The following PAM variants were observed in gnomAD, a reference collection of about 807,000 sequenced individuals.
The protein encoded by PAM is peptidylglycine alpha-amidating monooxygenase.
A neutral mutation model predicts 122.1 loss-of-function variants in PAM; 72 were observed. The ratio of observed to expected loss-of-function variants is 0.59; its 90% CI spans 0.49 to 0.72. PAM has a LOEUF of 0.72. Ranked by LOEUF, PAM falls within the 30% of genes least tolerant of loss-of-function variation. The probability of loss-of-function intolerance (pLI) is 0.00; values close to 1 mark genes in which losing one functional copy is unlikely to be tolerated. For synonymous variants in PAM, 389 were observed against 404.4 expected, an observed-to-expected ratio of 0.96 and a Z score of 0.46; for missense variants, 1,106 against 1,183.7, an observed-to-expected ratio of 0.93 and a Z score of 0.96.
chr5:103,023,143 C>T (rs1475079772), intron 23 of PAM, among the ~76,000 whole-genome samples: 1 of 152,074 alleles, frequency 6.6e-6, no homozygotes, highest in African/African-American at 2.4e-5. Context: ...GCCTCATTCT[C>T]ATTACTTTCT....
intron 15 of PAM, among the ~76,000 whole-genome samples, chr5:102,976,147 C>A (rs143881793): frequency 6.6e-6 from 1 of 152,210 alleles, no homozygotes; most frequent in East Asian, 1.9e-4. Context: ...AAACATACAG[C>A]ACAACTGCAA....
rs1303253419 is a variant in PAM, at chr5:102,913,846, AT to A, written c.269-85del. The A allele has an allele frequency of 9.2e-6, 7 of 762,490 alleles. No homozygotes were observed. The African/African-American group carries it at 1.2e-4, about 13-fold the overall frequency. 47.2% of individuals were successfully genotyped at this position (762,490 alleles called of 1,614,324 possible). The stretch of plus-strand genomic sequence containing the variant: ...ATCAAAACATCTTTGTTATACAGGT[AT>A]TTGAACTGTTCAAAGATGTATTTTA... On this transcript the variant is annotated intron_variant, in intron 4 of 25. Coordinates refer to ENST00000438793, the MANE Select transcript of PAM (RefSeq NM_001177306.2).
At chr5:103,016,214 T>A (rs751248084) in intron 21 of PAM, among the ~76,000 whole-genome samples, 11 of 152,222 alleles carry the variant, frequency 7.2e-5, no homozygotes, top group Non-Finnish European at 1.6e-4. Context: ...ATTTTTCTTT[T>A]CAGTGTGATA....
At chr5:102,821,245 G>C (rs1771797397) in intron 1 of PAM, among the ~76,000 whole-genome samples, 1 of 152,092 alleles carries the variant, frequency 6.6e-6, no homozygotes, top group Non-Finnish European at 1.5e-5. Context: ...CATTTATCCT[G>C]AGGAGCTTAC....
chr5:102,788,463 T>C (rs1023674862), intron 1 of PAM, among the ~76,000 whole-genome samples: 2 of 152,150 alleles, frequency 1.3e-5, no homozygotes, highest in African/African-American at 2.4e-5. Context: ...TACGTTTCTC[T>C]CCTCAGCTGG....
intron 5 of PAM, among the ~76,000 whole-genome samples, chr5:102,923,859 A>C (rs1748342719): frequency 6.6e-6 from 1 of 152,170 alleles, no homozygotes; most frequent in Non-Finnish European, 1.5e-5. Flanking sequence ...TTCACCCTGC[A>C]ACACTCTCTG....
At chr5:102,802,758 TTTTG>T (rs1418190975) in intron 1 of PAM, among the ~76,000 whole-genome samples, 3 of 152,154 alleles carry the variant, frequency 2.0e-5, no homozygotes, top group Admixed American at 6.5e-5. Context: ...TTATCTGTAG[TTTTG>T]TTTATTATTA....
At chr5:102,829,734 C>G (rs1036875064) in intron 1 of PAM, among the ~76,000 whole-genome samples, 2 of 152,038 alleles carry the variant, frequency 1.3e-5, no homozygotes, top group Non-Finnish European at 2.9e-5. Flanking sequence ...CTGAAAATGC[C>G]TTTTATCTAC....
At chr5:102,990,239 C>A in intron 15 of PAM, 33 bp from the exon 16 acceptor site, 3 of 1,481,518 alleles carry the variant, frequency 2.0e-6, no homozygotes, top group South Asian at 1.5e-5. Flanking sequence ...CGACCTTTCC[C>A]TTTTACACTA....
intron 8 of PAM, among the ~76,000 whole-genome samples, chr5:102,947,641 C>A (rs1582035370): frequency 6.6e-6 from 1 of 151,938 alleles, no homozygotes; most frequent in African/African-American, 2.4e-5. Context: ...CTTAGGTAAC[C>A]AAATACCACC....
At chr5:102,806,382 T>C (rs1766232726) in intron 1 of PAM, among the ~76,000 whole-genome samples, 1 of 152,226 alleles carries the variant, frequency 6.6e-6, no homozygotes, top group African/African-American at 2.4e-5. Context: ...GTAACTCATA[T>C]TCATAGTTAA....
At chr5:103,020,281 T>A (rs1783208738) in intron 23 of PAM, among the ~76,000 whole-genome samples, 1 of 152,146 alleles carries the variant, frequency 6.6e-6, no homozygotes, top group Non-Finnish European at 1.5e-5. Context: ...ATGGAAAGAT[T>A]AGCTGTTTCT....
rs375139353 is a variant in PAM, at chr5:102,759,794, C to T, written c.-374+4446C>T. 7.9e-4 allele frequency among the ~76,000 whole-genome samples: 121 copies of T among 152,206 alleles called. 1 individual carries two copies. The highest frequency in any genetic ancestry group is 2.8e-3 in the African/African-American group (118 of 41,524). On this transcript the variant is annotated intron_variant, in intron 1 of 25. Coordinates refer to ENST00000438793, the MANE Select transcript of PAM (RefSeq NM_001177306.2). ...CTTGCTAAGGAGGGGTGGCCTAATT[C>T]TAAGGACAGTGGGTGACATTGAAGA...
intron 4 of PAM, among the ~76,000 whole-genome samples, chr5:102,909,667 A>T (rs1398328362): frequency 6.6e-6 from 1 of 151,882 alleles, no homozygotes; most frequent in Non-Finnish European, 1.5e-5. Flanking sequence ...AGGCACTTGT[A>T]TTTTTACCAA....
intron 3 of PAM, among the ~76,000 whole-genome samples, chr5:102,894,419 G>A (rs1027337420): frequency 4.6e-5 from 7 of 151,590 alleles, no homozygotes; most frequent in African/African-American, 1.7e-4. Flanking sequence ...TGTCTTCCAA[G>A]GCATGTGGCT....
At chr5:102,892,558 C>T (rs1795043250) in intron 3 of PAM, among the ~76,000 whole-genome samples, 1 of 151,768 alleles carries the variant, frequency 6.6e-6, no homozygotes, top group South Asian at 2.1e-4. Flanking sequence ...ACTGTATGCA[C>T]AATAATCCCA....
intron 3 of PAM, among the ~76,000 whole-genome samples, chr5:102,881,658 C>T (rs1035784039): frequency 2.0e-5 from 3 of 151,050 alleles, no homozygotes; most frequent in Non-Finnish European, 4.4e-5. Context: ...AAAAACAAAC[C>T]ACAGAGTCAT....
At chr5:103,017,874 A>C (rs1433929740) in intron 22 of PAM, among the ~76,000 whole-genome samples, 2 of 152,294 alleles carry the variant, frequency 1.3e-5, no homozygotes, top group South Asian at 2.1e-4. Flanking sequence ...TTCAAAGAAG[A>C]AGCACTTTGA....
intron 20 of PAM, 127 bp from the exon 21 acceptor site, chr5:103,009,624 A>T: frequency 1.7e-6 from 1 of 592,656 alleles, no homozygotes. Flanking sequence ...TTTATATTCT[A>T]CTTTTGTTGC....
Sources: gnomAD v4.1 joint callset for allele counts (sites outside exome capture counted in the v4.1 genomes callset) on GRCh38, gnomAD v4.1.1 for gene constraint, MANE v1.5 for transcripts, NCBI Gene and HGNC (gene_info 2026-07-23, HGNC 2026-07-21) for gene names.